The following MAD1L1 variants were observed in gnomAD, a reference collection of about 807,000 sequenced individuals.
The protein encoded by MAD1L1 is mitotic arrest deficient 1 like 1.
Under a neutral mutation model 96.9 loss-of-function variants are expected in MAD1L1, and 95 were observed. The observed-to-expected ratio is 0.98, with a 90% CI of 0.83 to 1.16. The LOEUF is 1.16. Ranked by LOEUF, MAD1L1 falls within the 50% of genes most tolerant of loss-of-function variation. The pLI is 0.00. For missense variants in MAD1L1, 1,007 were observed against 954.4 expected (o/e 1.06, Z -0.73); for synonymous variants, 473 against 396.6 (o/e 1.19, Z -2.29).
At chr7:1,838,454 TA>T (rs1361940917) in intron 18 of MAD1L1, 2 of 257,548 alleles carry the variant, frequency 7.8e-6, no homozygotes. Flanking sequence ...GATGAACGGA[TA>T]AACAACCATG....
intron 12 of MAD1L1, among the ~76,000 whole-genome samples, chr7:2,031,347 G>C (rs1332287504): frequency 2.0e-5 from 3 of 152,184 alleles, no homozygotes; most frequent in African/African-American, 7.2e-5. Context: ...GTGTAGCTGT[G>C]GGGGAGGGGG....
intron 13 of MAD1L1, among the ~76,000 whole-genome samples, chr7:2,005,541 C>A (rs1741474642): frequency 6.6e-6 from 1 of 152,208 alleles, no homozygotes; most frequent in Non-Finnish European, 1.5e-5. Flanking sequence ...GTGCTCATGC[C>A]TGTGACACCA....
intron 12 of MAD1L1, among the ~76,000 whole-genome samples, chr7:2,050,495 T>C (rs978326645): frequency 5.3e-5 from 8 of 152,174 alleles, no homozygotes; most frequent in African/African-American, 1.4e-4. Context: ...GGCAGCTCCG[T>C]TGAAGCACCC....
chr7:1,858,245 A>G (rs118144688), intron 18 of MAD1L1, among the ~76,000 whole-genome samples: 322 of 152,340 alleles, frequency 2.1e-3, no homozygotes, highest in Admixed American at 4.6e-3. Context: ...CCTGCTCGCC[A>G]CAACCAGGAG....
intron 12 of MAD1L1, among the ~76,000 whole-genome samples, chr7:2,045,158 C>T (rs993636533): frequency 3.9e-5 from 6 of 152,176 alleles, no homozygotes; most frequent in South Asian, 2.1e-4. Context: ...GCCTCCCACC[C>T]GGCCTCCACA....
intron 1 of MAD1L1, among the ~76,000 whole-genome samples, 200 bp downstream of exon 1, chr7:2,232,672 G>T (rs1048859629): frequency 3.3e-5 from 5 of 152,178 alleles, no homozygotes; most frequent in Non-Finnish European, 7.4e-5. Flanking sequence ...ACAGGGGAGT[G>T]GGGAGAGGAG....
rs563959352 is a variant in MAD1L1, at chr7:2,071,586, C to A, written c.1074-2248G>T. ...GGATGGGGCGGGACACCAGGAAGATCGAGGCCGGACTAGAGGCTCGGGACT... is the reference window on the plus strand; with the variant it reads ...GGATGGGGCGGGACACCAGGAAGATAGAGGCCGGACTAGAGGCTCGGGACT... On this transcript the variant is annotated intron_variant, in intron 11 of 18. Coordinates refer to ENST00000265854, the MANE Select transcript of MAD1L1 (RefSeq NM_001013836.2). Among the ~76,000 whole-genome samples the A allele has an allele frequency of 3.3e-5, 5 of 152,292 alleles. No homozygotes were observed. The South Asian group carries it at 1.0e-3, about 32-fold the overall frequency.
At position 2,142,004 on chromosome 7, in the gene MAD1L1, A is replaced by G. The variant is rs1357006836; in HGVS notation, c.1073+7148T>C. Among the ~76,000 whole-genome samples, 2 of 152,204 alleles carry G rather than the reference A, an allele frequency of 1.3e-5. No individual in the cohort carries two copies. Among genetic ancestry groups the G allele is most frequent in the African/African-American group, 4.8e-5 (2 of 41,462 alleles). ...TGGACCGCACAGCCGTGAGCACAGA[A>G]TGGGCCTGCTCCCCTGTCACCTTGA... On this transcript the variant is annotated intron_variant, in intron 11 of 18. Coordinates refer to ENST00000265854, the MANE Select transcript of MAD1L1 (RefSeq NM_001013836.2). The surrounding 1 kb of genome is among the most constrained non-coding windows in gnomAD (Gnocchi z 4.7).
rs1032951285 is a variant in MAD1L1, at chr7:2,142,332, G to A, written c.1073+6820C>T. 6.6e-6 allele frequency among the ~76,000 whole-genome samples: 1 copy of A among 152,210 alleles called. No individual in the cohort carries two copies. Among genetic ancestry groups the A allele is most frequent in the African/African-American group, 2.4e-5 (1 of 41,454 alleles). On this transcript the variant is annotated intron_variant, in intron 11 of 18. Transcript: ENST00000265854. This position sits in a 1 kb window ranked among gnomAD's most constrained non-coding sequence, Gnocchi z 4.7. ...TAGAGACAGACAAGGAGCCTCAAAA[G>A]GCTGTCCCCTGGTGCAGGGCTGGGT...
chr7:2,169,450 G>A (rs35324681), intron 10 of MAD1L1, among the ~76,000 whole-genome samples: 22,190 of 152,062 alleles, frequency 0.15, 1,833 homozygotes, highest in Middle Eastern at 0.27. Context: ...AACATAAATT[G>A]TTCTTTACTT....
chr7:1,988,748 C>T (rs1008921181), intron 14 of MAD1L1, among the ~76,000 whole-genome samples: 2 of 152,218 alleles, frequency 1.3e-5, no homozygotes, highest in South Asian at 2.1e-4. Flanking sequence ...GGATTCCCGG[C>T]GGCCAGGGCT....
At chr7:2,120,765 G>A (rs1562706533) in intron 11 of MAD1L1, among the ~76,000 whole-genome samples, 1 of 150,646 alleles carries the variant, frequency 6.6e-6, no homozygotes, top group Non-Finnish European at 1.5e-5. Context: ...TGCGGGACAG[G>A]AGGCGGGAGG....
intron 11 of MAD1L1, among the ~76,000 whole-genome samples, chr7:2,102,316 TCAC>T (rs367704653): frequency 7.3e-6 from 1 of 136,384 alleles, no homozygotes; most frequent in Non-Finnish European, 1.6e-5. Context: ...ACCGTCACCA[TCAC>T]CGCCGTCACC....
intron 5 of MAD1L1, chr7:2,221,001 A>T: frequency 1.2e-6 from 2 of 1,612,440 alleles, no homozygotes; most frequent in Non-Finnish European, 1.7e-6. Flanking sequence ...ATTCCAGAGT[A>T]AGGAGCGTGA....
rs1015982153 is a variant in MAD1L1 at position 2,080,907 on chromosome 7, C to A, written c.1074-11569G>T. ...CATTCCAGGGGACCTGGCTCACAGG[C>A]GGTACCGCCGGGACGTGGCCTGCAC... is the stretch of plus-strand genomic sequence containing the variant. On this transcript the variant is annotated intron_variant, in intron 11 of 18. Coordinates refer to ENST00000265854, the MANE Select transcript of MAD1L1 (RefSeq NM_001013836.2). Among the ~76,000 whole-genome samples, 17 of 152,306 alleles carry A rather than the reference C, an allele frequency of 1.1e-4. 1 individual carries two copies. The South Asian group carries it at 2.5e-3, about 22-fold the overall frequency.
At chr7:2,154,967 C>T (rs1324742686) in intron 10 of MAD1L1, among the ~76,000 whole-genome samples, 2 of 152,244 alleles carry the variant, frequency 1.3e-5, no homozygotes, top group East Asian at 3.9e-4. Context: ...TTGAACCAAG[C>T]GGGGTGGGGA....
At chr7:2,117,042 G>A (rs1787740216) in intron 11 of MAD1L1, among the ~76,000 whole-genome samples, 1 of 152,218 alleles carries the variant, frequency 6.6e-6, no homozygotes, top group East Asian at 1.9e-4. Context: ...AGGGATCCAG[G>A]CTCTAACGCT....
chr7:1,841,176 A>G (rs1024772216), intron 18 of MAD1L1, among the ~76,000 whole-genome samples: 2 of 152,332 alleles, frequency 1.3e-5, no homozygotes, highest in African/African-American at 4.8e-5. Context: ...GCCAGAGCAC[A>G]CGGCCACCAA....
At chr7:1,903,835 A>C (rs1353176038) in intron 17 of MAD1L1, among the ~76,000 whole-genome samples, 4 of 92,220 alleles carry the variant, frequency 4.3e-5, no homozygotes, top group Admixed American at 2.2e-4. Context: ...CAGAACTCAT[A>C]ATTGATCAAG....
Sources: gnomAD v4.1 joint callset for allele counts (sites outside exome capture counted in the v4.1 genomes callset) on GRCh38, gnomAD v4.1.1 for gene constraint, Gnocchi (gnomAD v3.1) non-coding constraint, MANE v1.5 for transcripts, NCBI Gene and HGNC (gene_info 2026-07-23, HGNC 2026-07-21) for gene names.